FARS2: variants seen among roughly 807,000 people sequenced by gnomAD.
The protein encoded by FARS2 is phenylalanyl-tRNA synthetase 2, mitochondrial.
In FARS2, 40 loss-of-function variants were observed where a neutral mutation model predicts 46.4. That is an observed-to-expected ratio of 0.86 (90% CI 0.67 to 1.12). The LOEUF (loss-of-function observed/expected upper bound fraction) is 1.12, where lower values mean the gene tolerates loss of function less well. FARS2 is among the 50% of genes most tolerant of loss of function. FARS2 has a pLI of 0.00. For synonymous variants in FARS2, 234 were observed against 214.9 expected, an observed-to-expected ratio of 1.09 and a Z score of -0.78; for missense variants, 513 against 567.9, an observed-to-expected ratio of 0.90 and a Z score of 0.98.
chr6:5,305,739 T>G (rs892171778), intron 1 of FARS2, among the ~76,000 whole-genome samples: 1 of 152,208 alleles, frequency 6.6e-6, no homozygotes, highest in Non-Finnish European at 1.5e-5. Context: ...GTACTTGTTT[T>G]GCTTGCCCCT....
intron 6 of FARS2, among the ~76,000 whole-genome samples, chr6:5,650,509 A>G (rs1393484758): frequency 1.3e-5 from 2 of 152,102 alleles, no homozygotes; most frequent in Non-Finnish European, 2.9e-5. Context: ...TTGTAAAGAC[A>G]TTTTGTAGTA....
intron 4 of FARS2, among the ~76,000 whole-genome samples, chr6:5,488,134 C>A (rs984911766): frequency 2.0e-5 from 3 of 152,158 alleles, no homozygotes; most frequent in Non-Finnish European, 4.4e-5. Context: ...CTTTTGCTTT[C>A]GTGTTAAGCC....
intron 6 of FARS2, among the ~76,000 whole-genome samples, chr6:5,656,660 C>A (rs1165926483): frequency 6.6e-6 from 1 of 152,132 alleles, no homozygotes; most frequent in Non-Finnish European, 1.5e-5. Context: ...AAGAGGTTCT[C>A]CTGCCTCAGC....
chr6:5,341,035 C>T (rs1581825359), intron 1 of FARS2, among the ~76,000 whole-genome samples: 1 of 150,674 alleles, frequency 6.6e-6, no homozygotes, highest in African/African-American at 2.4e-5. Context: ...GTAATCCCAG[C>T]TACTCAGGAG....
chr6:5,260,922 C>G (rs563920869), upstream of FARS2: 9 of 1,360,614 alleles, frequency 6.6e-6, no homozygotes, highest in Non-Finnish European at 8.5e-6. Flanking sequence ...CGTCCCGCGC[C>G]GCTTCGGGGG....
intron 4 of FARS2, among the ~76,000 whole-genome samples, chr6:5,437,498 A>G (rs1392731415): frequency 6.6e-6 from 1 of 151,848 alleles, no homozygotes; most frequent in Non-Finnish European, 1.5e-5. Context: ...TTATCTGTCA[A>G]TTTTTCTTTA....
At chr6:5,341,218 T>TATATCTATATAG (rs1771581577) in intron 1 of FARS2, among the ~76,000 whole-genome samples, 1 of 7,448 alleles carries the variant, frequency 1.3e-4, no homozygotes, top group African/African-American at 4.4e-4. Flanking sequence ...TATATATATA[T>TATATCTATATAG]ATATATATAT....
chr6:5,628,935 G>A (rs927556266), intron 6 of FARS2, among the ~76,000 whole-genome samples: 1 of 152,268 alleles, frequency 6.6e-6, no homozygotes, highest in Admixed American at 6.5e-5. Flanking sequence ...GGACAAGAAG[G>A]AAGAGGTAAG....
chr6:5,314,161 G>A (rs181809253), intron 1 of FARS2, among the ~76,000 whole-genome samples: 3 of 152,310 alleles, frequency 2.0e-5, no homozygotes, highest in Admixed American at 1.3e-4. Context: ...TGGTGAAAAT[G>A]GATCGAGGAG....
intron 3 of FARS2, among the ~76,000 whole-genome samples, chr6:5,411,505 G>A (rs1451261095): frequency 6.6e-6 from 1 of 152,092 alleles, no homozygotes; most frequent in Non-Finnish European, 1.5e-5. Flanking sequence ...GTGATGAATG[G>A]GAACTGCCTC....
chr6:5,684,346 T>C (rs1049107109), intron 6 of FARS2, among the ~76,000 whole-genome samples: 2 of 152,102 alleles, frequency 1.3e-5, no homozygotes, highest in African/African-American at 2.4e-5. Flanking sequence ...TGCGCACTAG[T>C]ATGCAAAACT....
At chr6:5,684,801 G>C (rs1169715104) in intron 6 of FARS2, among the ~76,000 whole-genome samples, 2 of 152,140 alleles carry the variant, frequency 1.3e-5, no homozygotes, top group Non-Finnish European at 2.9e-5. Flanking sequence ...GCTAACAGGA[G>C]CCGAATTCTA....
At chr6:5,559,219 A>G (rs1771849294) in intron 5 of FARS2, among the ~76,000 whole-genome samples, 1 of 152,154 alleles carries the variant, frequency 6.6e-6, no homozygotes, top group Admixed American at 6.5e-5. Context: ...CCTGGGCAAC[A>G]TAGAGAGACC....
chr6:5,337,051 G>A (rs528765242), intron 1 of FARS2, among the ~76,000 whole-genome samples: 3 of 149,624 alleles, frequency 2.0e-5, no homozygotes, highest in Non-Finnish European at 4.5e-5. Context: ...CACATGACAG[G>A]AAGTAAATAT....
chr6:5,336,943 C>T (rs1771200627), intron 1 of FARS2, among the ~76,000 whole-genome samples: 1 of 152,022 alleles, frequency 6.6e-6, no homozygotes, highest in African/African-American at 2.4e-5. Flanking sequence ...TTTTGTAAAA[C>T]AGTCATTCCT....
chr6:5,599,150 A>G (rs962333078), intron 5 of FARS2, among the ~76,000 whole-genome samples: 1 of 152,202 alleles, frequency 6.6e-6, no homozygotes. Flanking sequence ...GTTAAATTCA[A>G]GGTTAGGGGT....
intron 2 of FARS2, among the ~76,000 whole-genome samples, chr6:5,400,634 T>A (rs543477726): frequency 3.3e-5 from 5 of 151,838 alleles, no homozygotes; most frequent in South Asian, 2.1e-4. Context: ...TGTATGTGTG[T>A]GTGTGTGTGT....
chr6:5,334,414 ATAAG>A (rs1313907587), intron 1 of FARS2, among the ~76,000 whole-genome samples: 2 of 152,276 alleles, frequency 1.3e-5, no homozygotes, highest in African/African-American at 2.4e-5. Context: ...ATGAAAAGAC[ATAAG>A]TATTTCCTTT....
chr6:5,286,605 C>G (rs1007693885), intron 1 of FARS2, among the ~76,000 whole-genome samples: 1 of 152,078 alleles, frequency 6.6e-6, no homozygotes, highest in Non-Finnish European at 1.5e-5. Flanking sequence ...ACTACCCATG[C>G]TCTATCACTC....
Sources: allele counts gnomAD v4.1 joint callset (sites outside exome capture counted in the v4.1 genomes callset), GRCh38; gene constraint gnomAD v4.1.1; transcripts MANE v1.5; gene names NCBI Gene and HGNC (gene_info 2026-07-23, HGNC 2026-07-21).